Variants in SSR4 observed in about 807,000 individuals in gnomAD.
SSR4 encodes signal sequence receptor subunit 4.
For synonymous variants in SSR4, 84 were observed against 65.6 expected, an observed-to-expected ratio of 1.28 and a Z score of -1.35; for missense variants, 125 against 148.8, an observed-to-expected ratio of 0.84 and a Z score of 0.83.
chrX:153,796,388 A>T, intron 1 of SSR4, 46 bp from the exon 2 acceptor site: 1 of 977,552 alleles, frequency 1.0e-6, no homozygotes, highest in Non-Finnish European at 1.5e-6. Flanking sequence ...TCAGACCGGG[A>T]TACTCGAGCT....
At position 153,797,440 on chromosome X, in the gene SSR4, C is replaced by T. The variant is rs2092148452; in HGVS notation, c.187-18C>T. The T allele has an allele frequency of 2.5e-6, 3 of 1,204,719 alleles. No individual in the cohort carries two copies. The highest frequency in any genetic ancestry group is 1.7e-5 in the African/African-American group (1 of 57,856). ...CAGAGGGGGCAGAAGGTGACCCTGC[C>T]TTTGTTCCCTCACCCAGAACATGGC... On this transcript the variant is annotated intron_variant, in intron 2 of 5. Coordinates refer to ENST00000370086, the MANE Select transcript of SSR4 (RefSeq NM_006280.3).
At chrX:153,795,398 A>G (rs2092133711) in intron 1 of SSR4, 2 of 113,206 alleles carry the variant, frequency 1.8e-5, no homozygotes, top group Admixed American at 9.3e-5. Flanking sequence ...GGCTTTCTCC[A>G]CATTCCCTTT....
At chrX:153,794,609 AC>A (rs1163070905), upstream of SSR4, 4 of 1,201,228 alleles carry the variant, frequency 3.3e-6, no homozygotes, top group African/African-American at 7.0e-5. Context: ...TGCCGCTGCC[AC>A]TTACGCGTCG....
chrX:153,794,474 G>T, upstream of SSR4: 1 of 1,148,097 alleles, frequency 8.7e-7, no homozygotes, highest in Non-Finnish European at 1.2e-6. Flanking sequence ...CCGGCGCCTA[G>T]AGCACCGCTG....
chrX:153,795,273 C>T (rs1476908531), intron 1 of SSR4: 2 of 116,195 alleles, frequency 1.7e-5, no homozygotes, highest in African/African-American at 6.4e-5. Context: ...GCAGAGCCGA[C>T]CAGGGGTCCC....
intron 5 of SSR4, 27 bp from the exon 6 acceptor site, chrX:153,798,302 G>C (rs1009297588): frequency 8.3e-7 from 1 of 1,204,972 alleles, no homozygotes; most frequent in Non-Finnish European, 1.1e-6. Context: ...ACTCCCCTGA[G>C]CTGGCTTGTG....
rs782103663 is a variant in SSR4 at position 153,796,600 on chromosome X, C to T, written c.186+48C>T. The T allele has an allele frequency of 3.7e-5, 34 of 918,155 alleles. No individual in the cohort carries two copies. In the South Asian group the frequency reaches 6.4e-4, roughly 17 times the overall value. 75.7% of individuals were successfully genotyped at this position (918,155 alleles called of 1,213,427 possible). A position where few individuals can be genotyped will look rare whatever the true frequency, so the allele number is the denominator to read the frequency against. On this transcript the variant is annotated intron_variant, in intron 2 of 5. Transcript: ENST00000370086. ...AGGAGGGCGGGTGGGGGGTGCTCCT[C>T]ACTGCTAGTTGATGGGGGACCTGTG...
chrX:153,794,393 T>C, upstream of SSR4: 2 of 1,150,728 alleles, frequency 1.7e-6, no homozygotes, highest in South Asian at 1.9e-5. Flanking sequence ...TTCGACGGGG[T>C]GCGAAGTTTC....
At chrX:153,794,465 C>T, upstream of SSR4, 2 of 1,144,375 alleles carry the variant, frequency 1.7e-6, no homozygotes, top group Non-Finnish European at 2.3e-6. Context: ...CGCCCCCTTC[C>T]GGCGCCTAGA....
chrX:153,797,604 C>T (rs782443456), intron 3 of SSR4, 72 bp downstream of exon 3: 3 of 1,139,320 alleles, frequency 2.6e-6, no homozygotes, highest in Middle Eastern at 2.4e-4. Context: ...CAGGGGTGGC[C>T]GGTCAACCAG....
chrX:153,797,383 T>G, intron 2 of SSR4, 75 bp from the exon 3 acceptor site: 1 of 961,758 alleles, frequency 1.0e-6, no homozygotes, highest in Non-Finnish European at 1.5e-6. Flanking sequence ...GCAGGCCGTG[T>G]GAGCAGCGCA....
Position 153,794,996 on chromosome X carries a change from G to T in SSR4, c.67+242G>T, listed in dbSNP as rs943457796. 1.2e-5 allele frequency: 5 copies of T among 420,310 alleles called. No homozygotes were observed. In the African/African-American group the frequency reaches 1.2e-4, roughly 10 times the overall value. 34.6% of individuals were successfully genotyped at this position (420,310 alleles called of 1,213,427 possible). On this transcript the variant is annotated intron_variant, in intron 1 of 5. Transcript: ENST00000370086. The stretch of plus-strand genomic sequence containing the variant: ...GTCCCCGAGCCTCCATGGTGCGCCC[G>T]GCCCCCAAGCTGCAGCACGGAACGT...
rs1414769048 is a variant in SSR4 at position 153,796,570 on chromosome X, C to T, written c.186+18C>T. On this transcript the variant is annotated intron_variant, in intron 2 of 5. Coordinates refer to ENST00000370086, the MANE Select transcript of SSR4 (RefSeq NM_006280.3). ...GGGTCCAGGTGAGACAGTGGGGTTTCAGACAGGAGGGCGGGTGGGGGGTGC... is the reference window on the plus strand; with the variant it reads ...GGGTCCAGGTGAGACAGTGGGGTTTTAGACAGGAGGGCGGGTGGGGGGTGC... The T allele has an allele frequency of 1.8e-6, 2 of 1,118,688 alleles. No individual in the cohort carries two copies. The highest frequency in any genetic ancestry group is 2.5e-6 in the Non-Finnish European group (2 of 812,457). 92.2% of individuals were successfully genotyped at this position (1,118,688 alleles called of 1,213,427 possible). A position where few individuals can be genotyped will look rare whatever the true frequency, so the allele number is the denominator to read the frequency against.
intron 2 of SSR4, 44 bp from the exon 3 acceptor site, chrX:153,797,414 C>T (rs782778106): frequency 8.8e-7 from 1 of 1,135,765 alleles, no homozygotes; most frequent in South Asian, 1.8e-5. Context: ...CTGCCCACAC[C>T]CAGAGGGGGC....
intron 1 of SSR4, chrX:153,795,661 A>G (rs2092135787): frequency 1.3e-6 from 1 of 754,670 alleles, no homozygotes. Flanking sequence ...CGCTGTTCCT[A>G]GGGATCTGCC....
At chrX:153,798,011 C>G in intron 4 of SSR4, 60 bp from the exon 5 acceptor site, 2 of 643,021 alleles carry the variant, frequency 3.1e-6, no homozygotes, top group Non-Finnish European at 2.5e-6. Flanking sequence ...CCCCTCCCCT[C>G]CCCACCCCCA....
intron 1 of SSR4, chrX:153,795,922 C>A: frequency 1.5e-6 from 1 of 665,239 alleles, no homozygotes; most frequent in Non-Finnish European, 1.8e-6. Context: ...CCGTTTACTT[C>A]TTCAGGAAAC....
At chrX:153,794,356 G>T (rs368282687), upstream of SSR4, 7 of 1,181,215 alleles carry the variant, frequency 5.9e-6, no homozygotes, top group African/African-American at 3.5e-5. Context: ...CGCACGTCCC[G>T]ACACGCAGAT....
chrX:153,798,177 CTGAG>C, intron 5 of SSR4, 41 bp downstream of exon 5: 3 of 1,190,069 alleles, frequency 2.5e-6, no homozygotes, highest in Non-Finnish European at 3.4e-6. Flanking sequence ...GGTTGTTGGG[CTGAG>C]TGAAGGTTAT....
Sources: gnomAD v4.1 joint callset for allele counts on GRCh38, gnomAD v4.1.1 for gene constraint, MANE v1.5 for transcripts, NCBI Gene and HGNC (gene_info 2026-07-23, HGNC 2026-07-21) for gene names.